ETFA: variants seen among roughly 807,000 people sequenced by gnomAD.
ETFA encodes the protein electron transfer flavoprotein subunit alpha, also known as electron transfer flavoprotein subunit alpha, mitochondrial.
A neutral mutation model predicts 46.2 loss-of-function variants in ETFA; 22 were observed. The ratio of observed to expected loss-of-function variants is 0.48; its 90% CI spans 0.34 to 0.68. The LOEUF is 0.68. ETFA is among the 30% of genes least tolerant of loss of function. ETFA has a pLI of 0.01. For missense variants in ETFA, 345 were observed against 401.1 expected, an observed-to-expected ratio of 0.86 and a Z score of 1.19; for synonymous variants, 131 against 139.9, an observed-to-expected ratio of 0.94 and a Z score of 0.45.
chr15:76,227,657 G>A (rs1020672371), intron 10 of ETFA: 3 of 371,988 alleles, frequency 8.1e-6, no homozygotes, highest in Admixed American at 7.0e-5. Flanking sequence ...TATTTTAATA[G>A]ATTGTGGACT....
chr15:76,222,434 C>G (rs1309530736), intron 11 of ETFA, among the ~76,000 whole-genome samples: 2 of 151,872 alleles, frequency 1.3e-5, no homozygotes, highest in African/African-American at 4.8e-5. Flanking sequence ...TTCACCAAAC[C>G]ACTTTGTCTG....
intron 11 of ETFA, among the ~76,000 whole-genome samples, chr15:76,221,402 G>A (rs2038955131): frequency 6.6e-6 from 1 of 152,336 alleles, no homozygotes; most frequent in East Asian, 1.9e-4. Context: ...GATGAAATGT[G>A]TGATAGTGGT....
rs1326548404 is a variant in ETFA, at chr15:76,292,523, A to G, written c.269-10T>C. 1 of 1,608,250 alleles carries G rather than the reference A, an allele frequency of 6.2e-7. No homozygotes were observed. The highest frequency in any genetic ancestry group is 1.3e-5 in the African/African-American group (1 of 74,844). On this transcript the variant is annotated splice_polypyrimidine_tract_variant and intron_variant, in intron 3 of 11. Coordinates refer to ENST00000557943, the MANE Select transcript of ETFA (RefSeq NM_000126.4). ...AATGGTGTCAGTTCCTCTGAGAATT[A>G]AACACATTTGATAAAAAAATATTTT... is the stretch of plus-strand genomic sequence containing the variant.
At chr15:76,289,403 G>A (rs1001179315) in intron 4 of ETFA, among the ~76,000 whole-genome samples, 1 of 152,134 alleles carries the variant, frequency 6.6e-6, no homozygotes, top group African/African-American at 2.4e-5. Flanking sequence ...TACAGACTTT[G>A]CCTCTTTTAA....
intron 1 of ETFA, among the ~76,000 whole-genome samples, chr15:76,305,921 G>A (rs187505542): frequency 1.0e-3 from 150 of 146,914 alleles, no homozygotes; most frequent in Non-Finnish European, 1.9e-3. Flanking sequence ...TGCTTGCTAT[G>A]TTGCTCAGGC....
At chr15:76,250,319 C>A (rs988476929) in intron 9 of ETFA, among the ~76,000 whole-genome samples, 1 of 151,738 alleles carries the variant, frequency 6.6e-6, no homozygotes, top group South Asian at 2.1e-4. Flanking sequence ...CTTTTTTATA[C>A]CATGGCACAC....
chr15:76,271,580 T>C (rs2039531420), intron 9 of ETFA, among the ~76,000 whole-genome samples: 1 of 152,208 alleles, frequency 6.6e-6, no homozygotes, highest in Non-Finnish European at 1.5e-5. Flanking sequence ...CACTATATCC[T>C]TTTGCTATAA....
chr15:76,223,537 T>G (rs1371838369), intron 11 of ETFA, among the ~76,000 whole-genome samples: 3 of 152,214 alleles, frequency 2.0e-5, no homozygotes, highest in African/African-American at 2.4e-5. Context: ...ACTTCAGAAC[T>G]TCTAAGCTGT....
intron 10 of ETFA, among the ~76,000 whole-genome samples, chr15:76,227,515 C>CAAAAAAAAAAAAAAAAAAAAAAAAAAA (rs55873344): frequency 1.2e-5 from 1 of 80,332 alleles, no homozygotes; most frequent in African/African-American, 6.2e-5. Context: ...GACTCTGTCT[C>CAAAAAAAAAAAAAAAAAAAAAAAAAAA]AAAAAAAAAA....
At chr15:76,220,208 A>T (rs747494600) in intron 11 of ETFA, among the ~76,000 whole-genome samples, 1 of 152,180 alleles carries the variant, frequency 6.6e-6, no homozygotes, top group East Asian at 1.9e-4. Context: ...CTGGGGCTAT[A>T]GGTGCGTGCC....
At chr15:76,305,626 G>T (rs568890679) in intron 1 of ETFA, among the ~76,000 whole-genome samples, 1 of 152,090 alleles carries the variant, frequency 6.6e-6, no homozygotes, top group Non-Finnish European at 1.5e-5. Flanking sequence ...CTTCTTGTGG[G>T]CAGGATTTAA....
At chr15:76,289,190 C>A (rs189220410) in intron 4 of ETFA, among the ~76,000 whole-genome samples, 16 of 152,084 alleles carry the variant, frequency 1.1e-4, no homozygotes, top group African/African-American at 3.9e-4. Context: ...TGCCTTGGCA[C>A]CCCAAAGTGC....
chr15:76,218,892 G>A (rs994256372), intron 11 of ETFA, among the ~76,000 whole-genome samples: 3 of 152,138 alleles, frequency 2.0e-5, no homozygotes, highest in African/African-American at 7.2e-5. Context: ...GAGGAGTTCT[G>A]CCTCCTAGTT....
At chr15:76,262,289 T>A (rs1198760082) in intron 9 of ETFA, among the ~76,000 whole-genome samples, 2 of 151,026 alleles carry the variant, frequency 1.3e-5, no homozygotes, top group African/African-American at 4.9e-5. Context: ...CATCAAGATA[T>A]CTAAAACATG....
In ETFA at chr15:76,290,869, C is replaced by T. The variant is rs371156220; in HGVS notation, c.351+1562G>A. Among the ~76,000 whole-genome samples the T allele has an allele frequency of 7.9e-5, 12 of 152,250 alleles. No homozygotes were observed. The East Asian group carries it at 1.5e-3, about 20-fold the overall frequency. ...TTGCTCTGCACACTGCTGTACTACA[C>T]GCAGTCTTCCTAATAAGGATGTATT... On this transcript the variant is annotated intron_variant, in intron 4 of 11. Transcript: ENST00000557943.
intron 9 of ETFA, 101 bp from the exon 10 acceptor site, chr15:76,231,499 T>C (rs975815447): frequency 3.5e-5 from 25 of 714,744 alleles, no homozygotes; most frequent in Middle Eastern, 7.6e-4. Context: ...AAAGATATGT[T>C]AAATAAAATA....
intron 1 of ETFA, among the ~76,000 whole-genome samples, 199 bp from the exon 2 acceptor site, chr15:76,295,936 C>CCTTTTTTTTTTTT (rs2039816100): frequency 2.1e-5 from 1 of 46,602 alleles, no homozygotes; most frequent in African/African-American, 6.7e-5. Context: ...CACTAATATT[C>CCTTTTTTTTTTTT]TTTTTTTTTT....
intron 11 of ETFA, chr15:76,217,638 C>T (rs1460565118): frequency 2.2e-6 from 1 of 454,608 alleles, no homozygotes; most frequent in Non-Finnish European, 4.4e-6. Context: ...TGTAGAGCTG[C>T]TTTGTGACTG....
intron 9 of ETFA, among the ~76,000 whole-genome samples, chr15:76,244,938 G>A (rs1165487327): frequency 6.6e-6 from 1 of 152,138 alleles, no homozygotes; most frequent in African/African-American, 2.4e-5. Flanking sequence ...AATGATAATG[G>A]ATAAAGAACT....
Sources: gnomAD v4.1 joint callset for allele counts (sites outside exome capture counted in the v4.1 genomes callset) on GRCh38, gnomAD v4.1.1 for gene constraint, MANE v1.5 for transcripts, NCBI Gene and HGNC (gene_info 2026-07-23, HGNC 2026-07-21) for gene names.